Variants in TC2N observed in about 807,000 individuals in gnomAD.
TC2N encodes the protein tandem C2 domains, nuclear.
TC2N carries 51 observed loss-of-function variants against 61.9 expected under a neutral mutation model. The observed-to-expected ratio is 0.82, with a 90% confidence interval of 0.66 to 1.04. The LOEUF is 1.04. Among genes scored for constraint, TC2N ranks in the 50% least tolerant of loss-of-function variants. The pLI, the probability that TC2N is intolerant of heterozygous loss-of-function variation, is 0.00. For synonymous variants in TC2N, 204 were observed against 192.6 expected, an observed-to-expected ratio of 1.06 and a Z score of -0.49; for missense variants, 556 against 566.7, an observed-to-expected ratio of 0.98 and a Z score of 0.19.
chr14:91,802,182 C>T (rs2402072), intron 4 of TC2N, 72 bp downstream of exon 4: 40 of 1,317,444 alleles, frequency 3.0e-5, no homozygotes, highest in South Asian at 1.6e-4. Context: ...CATTTATTCC[C>T]ATATCTTACA....
intron 1 of TC2N, among the ~76,000 whole-genome samples, chr14:91,863,606 TCAAAAGA>T (rs1888636482): frequency 6.6e-6 from 1 of 152,128 alleles, no homozygotes; most frequent in South Asian, 2.1e-4. Flanking sequence ...GGAAGCTTTG[TCAAAAGA>T]CTTGGGTTCA....
At chr14:91,812,626 T>A (rs1213952322) in intron 2 of TC2N, 81 bp from the exon 3 acceptor site, 14 of 682,546 alleles carry the variant, frequency 2.1e-5, no homozygotes, top group Non-Finnish European at 3.4e-5. Flanking sequence ...CTTTGATATT[T>A]ATTTAACCAT....
chr14:91,812,394 T>A lies in TC2N; in HGVS notation c.219A>T (p.Val73=), dbSNP rs1370314367. ...ACTTAAACTTGGGCACCACAAATGGTACTTCTTTGCCATCAGATGGTAATT... is the reference window on the plus strand; with the variant it reads ...ACTTAAACTTGGGCACCACAAATGGAACTTCTTTGCCATCAGATGGTAATT... ...LSKLPSDGKE[V]PFVVPKFKLS... is the part of the protein sequence containing the mutation. Residue 73 remains valine, a synonymous_variant, in exon 3 of 12, where the codon GTA becomes GTT. Transcript: ENST00000435962. 1 of 1,612,870 alleles carries A rather than the reference T, an allele frequency of 6.2e-7. No individual in the cohort carries two copies. Among genetic ancestry groups the A allele is most frequent in the South Asian group, 1.1e-5 (1 of 91,000 alleles).
intron 3 of TC2N, among the ~76,000 whole-genome samples, chr14:91,805,520 C>A (rs1469737731): frequency 6.6e-6 from 1 of 152,146 alleles, no homozygotes; most frequent in African/African-American, 2.4e-5. Context: ...TACAAATTAG[C>A]TGTGTGTGGT....
chr14:91,801,145 A>G (rs1886231034), intron 4 of TC2N, among the ~76,000 whole-genome samples: 1 of 151,972 alleles, frequency 6.6e-6, no homozygotes, highest in South Asian at 2.1e-4. Context: ...ATGATAGACT[A>G]TAATTCACAC....
intron 2 of TC2N, 51 bp downstream of exon 2, chr14:91,813,652 C>A: frequency 7.6e-7 from 1 of 1,321,302 alleles, no homozygotes; most frequent in South Asian, 1.2e-5. Flanking sequence ...CAAAATGCCA[C>A]AAATGAAGAA....
intron 8 of TC2N, among the ~76,000 whole-genome samples, chr14:91,794,994 GGAA>G (rs765461354): frequency 1.2e-4 from 19 of 152,248 alleles, no homozygotes; most frequent in Non-Finnish European, 2.2e-4. Context: ...GCAGGAATCT[GGAA>G]GAAGTTTATT....
chr14:91,818,642 T>C (rs1299334308), intron 1 of TC2N, among the ~76,000 whole-genome samples: 1 of 152,114 alleles, frequency 6.6e-6, no homozygotes, highest in East Asian at 1.9e-4. Context: ...TAGTTATAGC[T>C]GGACTCAATA....
intron 1 of TC2N, among the ~76,000 whole-genome samples, chr14:91,847,184 G>GGA (rs1272072130): frequency 6.6e-6 from 1 of 151,896 alleles, no homozygotes; most frequent in African/African-American, 2.4e-5. Flanking sequence ...CTTGAACCCG[G>GGA]GAGGCAGAGG....
In TC2N at chr14:91,783,066, G is replaced by T; in HGVS notation, c.*34C>A. ...GAAATCATAAGTCTTCTAAAAGAAT[G>T]TCAAGTTCTTCACCAAATTAATGTG... On this transcript the variant is annotated 3_prime_UTR_variant, in exon 12 of 12. Transcript: ENST00000435962. The T allele has an allele frequency of 7.5e-7, 1 of 1,336,126 alleles. No individual in the cohort carries two copies. Among genetic ancestry groups the T allele is most frequent in the Non-Finnish European group, 1.1e-6 (1 of 933,490 alleles). 82.8% of individuals were successfully genotyped at this position (1,336,126 alleles called of 1,614,324 possible). A position where few individuals can be genotyped will look rare whatever the true frequency, so the allele number is the denominator to read the frequency against.
intron 3 of TC2N, among the ~76,000 whole-genome samples, chr14:91,807,268 G>C (rs1274823867): frequency 9.2e-5 from 14 of 152,194 alleles, no homozygotes; most frequent in African/African-American, 2.9e-4. Context: ...CTCCACTGGG[G>C]CACTGCCTAG....
rs2139816380 is a variant in TC2N, at chr14:91,783,188, T to C, written c.1385A>G (p.Asn462Ser). 1.9e-6 allele frequency: 3 copies of C among 1,609,282 alleles called. No homozygotes were observed. The highest frequency in any genetic ancestry group is 1.1e-5 in the South Asian group (1 of 90,792). Residue 462 changes from asparagine (N) to serine (S), a missense_variant, in exon 12 of 12, where the codon AAT becomes AGT. Coordinates refer to ENST00000435962, the MANE Select transcript of TC2N (RefSeq NM_001128596.3). ...CCACTGGTTCACTGCTTCAATGTTA[T>C]TACTGTCTTCACTTATCCAAATCTG... The part of the protein sequence containing the change: ...VGQIWISEDS[N>S]NIEAVNQWKE...
At chr14:91,801,758 T>G (rs539238870) in intron 4 of TC2N, among the ~76,000 whole-genome samples, 1 of 152,348 alleles carries the variant, frequency 6.6e-6, no homozygotes, top group East Asian at 1.9e-4. Flanking sequence ...GTACCTGGTA[T>G]GTAGCTAACT....
chr14:91,797,186 A>T (rs954562400), intron 8 of TC2N, among the ~76,000 whole-genome samples: 3 of 152,074 alleles, frequency 2.0e-5, no homozygotes, highest in African/African-American at 7.2e-5. Flanking sequence ...CACGCAATTT[A>T]AATTTGTATT....
At chr14:91,833,044 CAT>C (rs1009821864) in intron 1 of TC2N, among the ~76,000 whole-genome samples, 3 of 152,186 alleles carry the variant, frequency 2.0e-5, no homozygotes, top group African/African-American at 7.2e-5. Context: ...AATGCATAGA[CAT>C]GTGGTAAAAC....
chr14:91,788,505 C>T lies in TC2N; in HGVS notation c.1048-878G>A, dbSNP rs955106075. ...CATACTAGGGCTCAGCATAGACAGA[C>T]ACAAAGTCTTTGTTAGTACTGATTC... On this transcript the variant is annotated intron_variant, in intron 9 of 11. Transcript: ENST00000435962. Among the ~76,000 whole-genome samples, 6 of 152,164 alleles carry T rather than the reference C, an allele frequency of 3.9e-5. No individual in the cohort carries two copies. In the South Asian group the frequency reaches 1.2e-3, roughly 31 times the overall value.
intron 1 of TC2N, among the ~76,000 whole-genome samples, chr14:91,823,691 C>T (rs952221654): frequency 1.3e-5 from 2 of 151,972 alleles, no homozygotes; most frequent in South Asian, 2.1e-4. Context: ...GGTAGAAGGG[C>T]AGGACCAGTC....
At chr14:91,850,671 G>A (rs1032004422) in intron 1 of TC2N, among the ~76,000 whole-genome samples, 4 of 152,224 alleles carry the variant, frequency 2.6e-5, no homozygotes, top group African/African-American at 4.8e-5. Context: ...AGTGGCTTAC[G>A]CCTGTAATCC....
intron 1 of TC2N, among the ~76,000 whole-genome samples, chr14:91,826,571 CTGATA>C (rs1400605681): frequency 6.6e-6 from 1 of 152,018 alleles, no homozygotes; most frequent in Admixed American, 6.5e-5. Context: ...GTTGGCTTGT[CTGATA>C]TAACTAGAAT....
Sources: allele counts gnomAD v4.1 joint callset (sites outside exome capture counted in the v4.1 genomes callset), GRCh38; gene constraint gnomAD v4.1.1; transcripts MANE v1.5; gene names NCBI Gene and HGNC (gene_info 2026-07-23, HGNC 2026-07-21).